Variants in MTERF4 observed in about 807,000 individuals in gnomAD.
The protein encoded by MTERF4 is transcription termination factor 4, mitochondrial.
A neutral mutation model predicts 22.5 loss-of-function variants in MTERF4; 17 were observed. The observed-to-expected ratio is 0.75, with a 90% CI of 0.52 to 1.13. The LOEUF (loss-of-function observed/expected upper bound fraction) is 1.13. Among genes scored for constraint, MTERF4 ranks in the 50% most tolerant of loss-of-function variants. The probability of loss-of-function intolerance (pLI) is 0.00; values close to 1 mark genes in which losing one functional copy is unlikely to be tolerated. For synonymous variants in MTERF4, 165 were observed against 175.3 expected (o/e 0.94, Z 0.47); for missense variants, 420 against 466.8 (o/e 0.90, Z 0.92).
chr2:241,079,069 G>A lies in MTERF4; in HGVS notation n.480-3387C>T, dbSNP rs185686301. On this transcript the variant is annotated intron_variant and non_coding_transcript_variant, in intron 4 of 4. Transcript: ENST00000464344. ...GCGGAGGCTGCAGCGAGCCGAGATC[G>A]CACCATTGCACTCCAGCCTGGGTGA... 9.3e-4 allele frequency among the ~76,000 whole-genome samples: 129 copies of A among 138,530 alleles called. 5 individuals are homozygous for A. In the East Asian group the frequency reaches 0.021, roughly 22 times the overall value. The allele number at this position is 138,530 out of a possible 152,430, so 90.9% of individuals were successfully genotyped here.
chr2:241,098,950 C>T (rs536432362), intron 2 of MTERF4, among the ~76,000 whole-genome samples: 20 of 152,274 alleles, frequency 1.3e-4, no homozygotes, highest in African/African-American at 4.1e-4. Context: ...AAAGCCACTC[C>T]TATTCCTCAC....
chr2:241,048,543 T>C, the MTERF4 span: 45 of 1,490,658 alleles, frequency 3.0e-5, no homozygotes, highest in African/African-American at 4.8e-4. Flanking sequence ...AAGAAACGTG[T>C]GAGTGCGCGT....
rs2064614539 is a variant in MTERF4, at chr2:241,099,700, A to G, written c.216T>C (p.Asn72=). 6.2e-7 allele frequency: 1 copy of G among 1,614,202 alleles called. No individual in the cohort carries two copies. The highest frequency in any genetic ancestry group is 8.5e-7 in the Non-Finnish European group (1 of 1,180,036). The change falls in exon 2 of 4, where the codon AAT becomes AAC. Residue 72 remains asparagine (N), a synonymous_variant. Coordinates refer to ENST00000391980, the MANE Select transcript of MTERF4 (RefSeq NM_182501.4). ...NYVQEPECRR[N]LVQCLLEKQG... ...GCTTCTCAAGGAGGCACTGAACAAG[A>G]TTCCTCCTGCACTCTGGTTCCTGCA...
chr2:241,048,504 C>T, the MTERF4 span: 9 of 1,540,704 alleles, frequency 5.8e-6, no homozygotes, highest in African/African-American at 4.1e-5. Context: ...GAGGGCCTTC[C>T]TGTGGGTGCA....
chr2:241,082,999 TCAGAA>T (rs2125310449), downstream of MTERF4, among the ~76,000 whole-genome samples: 1 of 151,932 alleles, frequency 6.6e-6, no homozygotes, highest in Non-Finnish European at 1.5e-5. Flanking sequence ...TCAGCACACA[TCAGAA>T]CAGAGCAGAC....
At chr2:241,082,548 A>G (rs1047233614), downstream of MTERF4, among the ~76,000 whole-genome samples, 6 of 152,204 alleles carry the variant, frequency 3.9e-5, no homozygotes, top group African/African-American at 1.2e-4. Flanking sequence ...GAAAAACCGA[A>G]TAACTGCCCC....
chr2:241,065,779 C>T, the MTERF4 span, among the ~76,000 whole-genome samples: 1 of 152,158 alleles, frequency 6.6e-6, no homozygotes, highest in Non-Finnish European at 1.5e-5. Context: ...GTGGGAGTGG[C>T]CTTGGGTCCA....
chr2:241,086,709 G>T (rs1377281203), downstream of MTERF4, among the ~76,000 whole-genome samples: 1 of 152,204 alleles, frequency 6.6e-6, no homozygotes, highest in East Asian at 1.9e-4. Context: ...GGTTCTATGA[G>T]ACTTAGCATA....
chr2:241,052,861 C>T, the MTERF4 span, among the ~76,000 whole-genome samples: 6,904 of 93,786 alleles, frequency 0.074, 690 homozygotes, highest in East Asian at 0.23. Context: ...GCCGGGGGGC[C>T]GAGCAGGGTA....
At chr2:241,062,669 C>A in the MTERF4 span, 1 of 735,974 alleles carries the variant, frequency 1.4e-6, no homozygotes, top group Non-Finnish European at 2.4e-6. Context: ...TGGTCTCTGG[C>A]CTTTCCAACC....
chr2:241,085,429 TTTAG>T (rs531392101), downstream of MTERF4, among the ~76,000 whole-genome samples: 259 of 152,346 alleles, frequency 1.7e-3, 1 homozygote, highest in Middle Eastern at 3.4e-3. Flanking sequence ...AGAAGTTTCA[TTTAG>T]TTGTTTCTTA....
At chr2:241,087,130 C>T (rs2063622699), downstream of MTERF4, 3 of 426,524 alleles carry the variant, frequency 7.0e-6, no homozygotes, top group Non-Finnish European at 1.2e-5. Flanking sequence ...AGTACCATAT[C>T]CTTTGTCAGT....
At position 241,096,103 on chromosome 2, in the gene MTERF4, A is replaced by C. The variant is rs10203977; in HGVS notation, c.1041T>G (p.Asp347Glu). Residue 347 changes from aspartate (D) to glutamate (E), a missense_variant, in exon 4 of 4, where the codon GAT becomes GAG. By Grantham distance (45) the Asp-to-Glu change is conservative. Transcript: ENST00000391980. The surrounding 1 kb of genome is among the most constrained non-coding windows in gnomAD (Gnocchi z 5.1). ...ASLDEDEDDD[D>E]EEDNDEDDND... ...TGTCATCCTCATCATTGTCCTCCTC[A>C]TCATCGTCATCCTCATCCTCATCCA... 7 of 1,603,386 alleles carry C rather than the reference A, an allele frequency of 4.4e-6. No homozygotes were observed. In the African/African-American group the frequency reaches 4.5e-5, roughly 10 times the overall value.
chr2:241,049,069 G>A, the MTERF4 span: 9 of 1,613,676 alleles, frequency 5.6e-6, no homozygotes, highest in Non-Finnish European at 7.6e-6. Context: ...CCCAGATGGG[G>A]GCTACTGCAT....
chr2:241,055,336 C>T, the MTERF4 span, among the ~76,000 whole-genome samples: 4 of 152,058 alleles, frequency 2.6e-5, no homozygotes, highest in African/African-American at 9.7e-5. Flanking sequence ...TAGTAAAATA[C>T]GAGAATATCC....
At chr2:241,046,701 A>G in the MTERF4 span, among the ~76,000 whole-genome samples, 2 of 152,206 alleles carry the variant, frequency 1.3e-5, no homozygotes, top group African/African-American at 4.8e-5. Context: ...AGGGAGATGG[A>G]ATGTTCTGTA....
downstream of MTERF4, chr2:241,090,342 G>A: frequency 1.3e-6 from 2 of 1,550,230 alleles, no homozygotes; most frequent in Non-Finnish European, 1.7e-6. Flanking sequence ...AACACACATG[G>A]AGCTGCCACC....
At chr2:241,087,782 G>GTATT (rs2063661718), downstream of MTERF4, 9 of 975,726 alleles carry the variant, frequency 9.2e-6, no homozygotes, top group Non-Finnish European at 1.2e-5. Flanking sequence ...ACAGCCCCGA[G>GTATT]TATTTAATGG....
chr2:241,094,426 G>A (rs1358946815), downstream of MTERF4: 5 of 470,864 alleles, frequency 1.1e-5, no homozygotes, highest in East Asian at 2.1e-4. The surrounding 1 kb of genome is among the most constrained non-coding windows in gnomAD (Gnocchi z 4.3). Flanking sequence ...GCTGTAAGAC[G>A]AGGCTGCTGG....
Sources: allele counts gnomAD v4.1 joint callset (sites outside exome capture counted in the v4.1 genomes callset), GRCh38; gene constraint gnomAD v4.1.1; non-coding constraint Gnocchi (gnomAD v3.1); transcripts MANE v1.5; gene names NCBI Gene and HGNC (gene_info 2026-07-23, HGNC 2026-07-21).